COMMD10: variants seen among roughly 807,000 people sequenced by gnomAD.
The protein encoded by COMMD10 is COMM domain-containing protein 10.
COMMD10 carries 33 observed loss-of-function variants against 28.9 expected under a neutral mutation model. That is an observed-to-expected ratio of 1.14 (90% CI 0.87 to 1.53). COMMD10 has a LOEUF of 1.53. Ranked by LOEUF, COMMD10 falls within the 40% of genes most tolerant of loss-of-function variation. COMMD10 has a pLI of 0.00. For synonymous variants in COMMD10, 110 were observed against 81.7 expected, an observed-to-expected ratio of 1.35 and a Z score of -1.87; for missense variants, 310 against 233.4, an observed-to-expected ratio of 1.33 and a Z score of -2.14.
intron 5 of COMMD10, among the ~76,000 whole-genome samples, chr5:116,139,605 A>G (rs963515116): frequency 6.8e-6 from 1 of 147,936 alleles, no homozygotes; most frequent in African/African-American, 2.5e-5. Flanking sequence ...TTTTTTTTTC[A>G]TTGAAGTATC....
At chr5:116,225,115 T>C (rs558410754) in intron 5 of COMMD10, among the ~76,000 whole-genome samples, 4 of 152,080 alleles carry the variant, frequency 2.6e-5, no homozygotes, top group Admixed American at 6.5e-5. Context: ...ATTTCACTTA[T>C]TATACTTTTT....
chr5:116,179,879 T>TG (rs1561651751), intron 5 of COMMD10, among the ~76,000 whole-genome samples: 1 of 152,002 alleles, frequency 6.6e-6, no homozygotes, highest in Non-Finnish European at 1.5e-5. Flanking sequence ...AGACATTTCT[T>TG]GGGGGAAAAT....
intron 5 of COMMD10, among the ~76,000 whole-genome samples, chr5:116,273,418 A>C (rs180781349): frequency 9.5e-4 from 145 of 151,934 alleles, no homozygotes; most frequent in Admixed American, 9.5e-3. Flanking sequence ...CATCCAAGAT[A>C]GAAGATGTCT....
intron 4 of COMMD10, among the ~76,000 whole-genome samples, chr5:116,119,562 A>G (rs568484306): frequency 6.6e-6 from 1 of 151,724 alleles, no homozygotes; most frequent in African/African-American, 2.4e-5. Flanking sequence ...TATAGGTTAT[A>G]TATTGTATAC....
chr5:116,244,770 A>G (rs2112666830), intron 5 of COMMD10, among the ~76,000 whole-genome samples: 1 of 151,930 alleles, frequency 6.6e-6, no homozygotes, highest in Admixed American at 6.6e-5. Flanking sequence ...TCAAGAAGTT[A>G]CTTGAAACTG....
chr5:116,257,809 G>T, intron 5 of COMMD10, among the ~76,000 whole-genome samples: 1 of 151,732 alleles, frequency 6.6e-6, no homozygotes, highest in Non-Finnish European at 1.5e-5. Flanking sequence ...ATTCTTATAT[G>T]TGGACCACTT....
chr5:116,134,309 T>C, intron 5 of COMMD10, 131 bp downstream of exon 5: 1 of 558,426 alleles, frequency 1.8e-6, no homozygotes, highest in Non-Finnish European at 3.2e-6. Flanking sequence ...AATAAGTGGA[T>C]CTTTTTTGAC....
chr5:116,278,732 A>G (rs961132338), intron 5 of COMMD10, among the ~76,000 whole-genome samples: 2 of 151,868 alleles, frequency 1.3e-5, no homozygotes, highest in Non-Finnish European at 2.9e-5. Context: ...AAACATGTAT[A>G]AAACACAAAA....
intron 5 of COMMD10, among the ~76,000 whole-genome samples, chr5:116,277,493 T>C (rs2112704373): frequency 6.6e-6 from 1 of 151,976 alleles, no homozygotes; most frequent in Middle Eastern, 3.4e-3. Context: ...CTTATCAAAT[T>C]AGTTATTGTA....
At chr5:116,097,696 G>C (rs1750512922) in intron 4 of COMMD10, among the ~76,000 whole-genome samples, 1 of 152,174 alleles carries the variant, frequency 6.6e-6, no homozygotes, top group Non-Finnish European at 1.5e-5. Context: ...GGCTGTACGG[G>C]AAGCATGATG....
At chr5:116,246,346 G>A (rs1173276449) in intron 5 of COMMD10, among the ~76,000 whole-genome samples, 1 of 151,732 alleles carries the variant, frequency 6.6e-6, no homozygotes, top group East Asian at 1.9e-4. Flanking sequence ...GACACAAATG[G>A]AAAAACATTT....
At chr5:116,173,385 G>C (rs976066745) in intron 5 of COMMD10, among the ~76,000 whole-genome samples, 2 of 152,046 alleles carry the variant, frequency 1.3e-5, no homozygotes, top group African/African-American at 4.8e-5. Context: ...GTTAGTATTA[G>C]AGTAGAAGTG....
intron 5 of COMMD10, among the ~76,000 whole-genome samples, chr5:116,246,522 A>G (rs962176384): frequency 6.6e-6 from 1 of 152,112 alleles, no homozygotes; most frequent in African/African-American, 2.4e-5. Context: ...AAAGAGACTG[A>G]ATAGCCAAAG....
chr5:116,087,689 T>C, intron 2 of COMMD10, 102 bp downstream of exon 2: 2 of 768,264 alleles, frequency 2.6e-6, no homozygotes, highest in Non-Finnish European at 2.3e-6. Context: ...TTCTCCAATA[T>C]GTTCTTAGAG....
At chr5:116,199,308 T>C (rs1202637105) in intron 5 of COMMD10, among the ~76,000 whole-genome samples, 1 of 152,158 alleles carries the variant, frequency 6.6e-6, no homozygotes, top group African/African-American at 2.4e-5. Flanking sequence ...AGCTGTGTTT[T>C]CTTATTGTTG....
intron 5 of COMMD10, among the ~76,000 whole-genome samples, chr5:116,144,835 T>G (rs1431423954): frequency 6.6e-6 from 1 of 151,772 alleles, no homozygotes; most frequent in Non-Finnish European, 1.5e-5. Flanking sequence ...TAGGACAGTT[T>G]ATGTAGGGGA....
At chr5:116,288,946 A>C (rs1306840682) in intron 5 of COMMD10, among the ~76,000 whole-genome samples, 3 of 140,060 alleles carry the variant, frequency 2.1e-5, no homozygotes, top group Non-Finnish European at 4.5e-5. Flanking sequence ...CAGTGGCATA[A>C]TCTTGGCTGA....
chr5:116,151,306 T>G (rs1280377340), intron 5 of COMMD10, among the ~76,000 whole-genome samples: 1 of 152,022 alleles, frequency 6.6e-6, no homozygotes, highest in Admixed American at 6.6e-5. Context: ...TCAAGCATAT[T>G]GGTCTAAAAT....
chr5:116,287,458 T>C lies in COMMD10; in HGVS notation c.511-4059T>C, dbSNP rs1015220893. ...TTTCCATCCTTTCACTTTCAGCCTA[T>C]GTGTATTGTTAGATCTAAAGTATGT... On this transcript the variant is annotated intron_variant, in intron 5 of 6. Coordinates refer to ENST00000274458, the MANE Select transcript of COMMD10 (RefSeq NM_016144.4). Among the ~76,000 whole-genome samples the C allele has an allele frequency of 4.0e-4, 61 of 151,794 alleles. 2 individuals carry two copies. Among genetic ancestry groups the C allele is most frequent in the African/African-American group, 1.5e-3 (61 of 41,192 alleles).
Sources: gnomAD v4.1 joint callset for allele counts (sites outside exome capture counted in the v4.1 genomes callset) on GRCh38, gnomAD v4.1.1 for gene constraint, MANE v1.5 for transcripts, NCBI Gene and HGNC (gene_info 2026-07-23, HGNC 2026-07-21) for gene names.